The following FRAS1 variants were observed in gnomAD, a reference collection of about 807,000 sequenced individuals.
FRAS1 encodes the protein extracellular matrix organizing protein FRAS1.
A neutral mutation model predicts 435.2 loss-of-function variants in FRAS1; 290 were observed. The observed-to-expected ratio is 0.67, with a 90% CI of 0.61 to 0.73. The LOEUF (loss-of-function observed/expected upper bound fraction) is 0.73. Ranked by LOEUF, FRAS1 falls within the 30% of genes least tolerant of loss-of-function variation. FRAS1 has a pLI of 0.00. For synonymous variants in FRAS1, 1,800 were observed against 1,851.0 expected, an observed-to-expected ratio of 0.97 and a Z score of 0.71; for missense variants, 4,860 against 5,001.5, an observed-to-expected ratio of 0.97 and a Z score of 0.85.
intron 17 of FRAS1, 117 bp downstream of exon 17, chr4:78,317,625 A>T: frequency 2.2e-6 from 2 of 916,100 alleles, no homozygotes. Context: ...TTTTATGGCT[A>T]TCCATACATT....
At chr4:78,500,009 G>GA (rs1342474443) in intron 61 of FRAS1, 88 bp downstream of exon 61, 1 of 1,097,122 alleles carries the variant, frequency 9.1e-7, no homozygotes, top group Non-Finnish European at 1.2e-6. Context: ...ACAGATAAAT[G>GA]AAAAAGGAAA....
rs774019479 is a variant in FRAS1 at position 78,466,228 on chromosome 4, C to G, written c.7050C>G (p.Thr2350=). 2 of 1,613,774 alleles carry G rather than the reference C, an allele frequency of 1.2e-6. No homozygotes were observed. The highest frequency in any genetic ancestry group is 4.5e-5 in the East Asian group (2 of 44,888). Residue 2350 remains threonine, a synonymous_variant, in exon 50 of 74, where the codon ACC becomes ACG. Coordinates refer to ENST00000512123, the MANE Select transcript of FRAS1 (RefSeq NM_025074.7). ...GACAGGCCGAGTCTGTCACATTCACCATCGTGCAGCCTCCACGCCATGGCA... is the reference window on the plus strand; with the variant it reads ...GACAGGCCGAGTCTGTCACATTCACGATCGTGCAGCCTCCACGCCATGGCA... ...ADTEAESVTF[T]IVQPPRHGTI... is the part of the protein sequence containing the mutation.
At chr4:78,142,131 GA>G (rs35700842) in intron 2 of FRAS1, among the ~76,000 whole-genome samples, 2 of 150,176 alleles carry the variant, frequency 1.3e-5, no homozygotes, top group South Asian at 2.1e-4. Flanking sequence ...ATAACTTATG[GA>G]AAAAAAAATG....
chr4:78,282,774 A>G, intron 11 of FRAS1, 46 bp from the exon 12 acceptor site: 1 of 1,605,192 alleles, frequency 6.2e-7, no homozygotes, highest in South Asian at 1.1e-5. Flanking sequence ...TCTCTTCTGA[A>G]TTACTGCATC....
chr4:78,441,877 G>T (rs1263641904), intron 41 of FRAS1, among the ~76,000 whole-genome samples: 4 of 152,220 alleles, frequency 2.6e-5, no homozygotes, highest in South Asian at 2.1e-4. Flanking sequence ...TCCACCATCT[G>T]CCCTGAACAC....
At chr4:78,294,687 A>C (rs918931072) in intron 14 of FRAS1, among the ~76,000 whole-genome samples, 2 of 152,122 alleles carry the variant, frequency 1.3e-5, no homozygotes, top group South Asian at 4.1e-4. Context: ...CAAATATATT[A>C]CTCAAGACGG....
rs760379488 is a variant in FRAS1 at position 78,318,852 on chromosome 4, C to T, written c.2003C>T (p.Ser668Phe). 6 of 1,613,392 alleles carry T rather than the reference C, an allele frequency of 3.7e-6. No homozygotes were observed. In the South Asian group the frequency reaches 5.5e-5, roughly 15 times the overall value. The change falls in exon 18 of 74, where the codon TCT (serine) becomes TTT (phenylalanine). Residue 668 changes from serine (S) to phenylalanine (F), a missense_variant. By Grantham distance (155) the Ser-to-Phe change is radical. Coordinates refer to ENST00000512123, the MANE Select transcript of FRAS1 (RefSeq NM_025074.7). ...SCLACMGPAP[S>F]HCTGCKKPEE... ...CTGGCTTGTATGGGTCCCGCACCCT[C>T]TCACTGTACTGGGTGTAAGAAGCCA...
chr4:78,207,583 TCCTC>T (rs1723315895), intron 2 of FRAS1, among the ~76,000 whole-genome samples: 1 of 152,190 alleles, frequency 6.6e-6, no homozygotes, highest in African/African-American at 2.4e-5. Flanking sequence ...GGCTCCATAA[TCCTC>T]CCAGTCATCT....
At chr4:78,225,919 A>G (rs1273683446) in intron 2 of FRAS1, among the ~76,000 whole-genome samples, 2 of 152,040 alleles carry the variant, frequency 1.3e-5, no homozygotes, top group Non-Finnish European at 2.9e-5. Context: ...GTTTATATCT[A>G]CCTTACTATT....
intron 14 of FRAS1, among the ~76,000 whole-genome samples, chr4:78,287,766 C>G (rs937556470): frequency 6.6e-6 from 1 of 152,128 alleles, no homozygotes; most frequent in African/African-American, 2.4e-5. Context: ...ATGGTCGTCT[C>G]CATTCCAGGT....
intron 70 of FRAS1, among the ~76,000 whole-genome samples, chr4:78,532,115 A>G (rs1440829071): frequency 6.6e-6 from 1 of 152,174 alleles, no homozygotes; most frequent in Non-Finnish European, 1.5e-5. Context: ...AATAAACCCT[A>G]AAGTCCTGAC....
At chr4:78,500,294 G>A (rs1720635895) in intron 61 of FRAS1, among the ~76,000 whole-genome samples, 1 of 152,180 alleles carries the variant, frequency 6.6e-6, no homozygotes, top group Non-Finnish European at 1.5e-5. Context: ...TACTACATCT[G>A]AAAGGCACAA....
rs755800373 is a variant in FRAS1 at position 78,464,042 on chromosome 4, C to T, written c.6785C>T (p.Thr2262Ile). The change falls in exon 48 of 74, where the codon ACT becomes ATT. Residue 2262 changes from threonine to isoleucine, a missense_variant. Physicochemically the swap from Thr to Ile is moderately conservative, Grantham distance 89. Coordinates refer to ENST00000512123, the MANE Select transcript of FRAS1 (RefSeq NM_025074.7). ...ASPGIQISSF[T>I]QADLTSRNVQ... is the part of the protein sequence containing the mutation. ...CTAGGTATCCAGATTAGTTCCTTTA[C>T]TCAAGCTGATCTGACTTCACGAAAT... The T allele has an allele frequency of 3.7e-6, 6 of 1,613,280 alleles. No homozygotes were observed. The African/African-American group carries it at 5.3e-5, about 14-fold the overall frequency.
chr4:78,218,785 G>A (rs185875369), intron 2 of FRAS1, among the ~76,000 whole-genome samples: 1 of 152,302 alleles, frequency 6.6e-6, no homozygotes, highest in Non-Finnish European at 1.5e-5. Flanking sequence ...CAATTTGTTT[G>A]GGAGATTAGT....
rs750205204 is a variant in FRAS1, at chr4:78,286,399, A to G, written c.1400-6A>G. On this transcript the variant is annotated splice_region_variant and splice_polypyrimidine_tract_variant and intron_variant, in intron 13 of 73. Coordinates refer to ENST00000512123, the MANE Select transcript of FRAS1 (RefSeq NM_025074.7). ...TTTCTCTTTCTTCAACATTATCTGG[A>G]GTCAGCCTGCCAGCCCCAGTGCTCC... 5.6e-6 allele frequency: 9 copies of G among 1,613,180 alleles called. No homozygotes were observed. The highest frequency in any genetic ancestry group is 1.6e-4 in the Middle Eastern group (1 of 6,084).
intron 43 of FRAS1, 140 bp downstream of exon 43, chr4:78,447,020 C>T (rs1718858680): frequency 2.3e-6 from 2 of 852,218 alleles, no homozygotes; most frequent in Non-Finnish European, 3.4e-6. Context: ...AAATTCACAG[C>T]TGGCTAATAT....
intron 2 of FRAS1, among the ~76,000 whole-genome samples, chr4:78,165,931 T>G (rs966233446): frequency 6.6e-6 from 1 of 152,126 alleles, no homozygotes; most frequent in Non-Finnish European, 1.5e-5. Context: ...GAAGCAAATC[T>G]CAAGCCCAGC....
chr4:78,186,250 A>G (rs1347208083), intron 2 of FRAS1, among the ~76,000 whole-genome samples: 1 of 151,560 alleles, frequency 6.6e-6, no homozygotes, highest in African/African-American at 2.4e-5. Context: ...TCTTGCTCAT[A>G]CTTTTTTTTT....
intron 2 of FRAS1, among the ~76,000 whole-genome samples, chr4:78,193,664 T>A (rs906743936): frequency 1.1e-4 from 17 of 152,222 alleles, no homozygotes; most frequent in Admixed American, 2.0e-4. Context: ...CCTATGTGTG[T>A]CCCTGCACGT....
Sources: gnomAD v4.1 joint callset for allele counts (sites outside exome capture counted in the v4.1 genomes callset) on GRCh38, gnomAD v4.1.1 for gene constraint, MANE v1.5 for transcripts, NCBI Gene and HGNC (gene_info 2026-07-23, HGNC 2026-07-21) for gene names.